LRBA: variants seen among roughly 807,000 people sequenced by gnomAD.
The protein encoded by LRBA is LPS responsive beige-like anchor protein, also known as lipopolysaccharide-responsive and beige-like anchor protein.
In LRBA, 176 loss-of-function variants were observed where a neutral mutation model predicts 330.0. That is an observed-to-expected ratio of 0.53 (90% CI 0.47 to 0.60). The LOEUF is 0.60. LRBA is among the 20% of genes least tolerant of loss of function. The pLI is 0.00. For missense variants in LRBA, 3,259 were observed against 3,444.8 expected (o/e 0.95, Z 1.35); for synonymous variants, 1,230 against 1,193.0 (o/e 1.03, Z -0.64).
rs1472369230 is a variant in LRBA, at chr4:150,535,529, A to C, written c.6331-44494T>G. Reference sequence around the variant, plus strand: ...ATTTACACAAATACATAATATCACCATTTAAATAAATGCAAATTACAATTC... The same window carrying C: ...ATTTACACAAATACATAATATCACCCTTTAAATAAATGCAAATTACAATTC... On this transcript the variant is annotated intron_variant, in intron 40 of 56. Coordinates refer to ENST00000651943, the MANE Select transcript of LRBA (RefSeq NM_001364905.1). Among the ~76,000 whole-genome samples, 3 of 152,296 alleles carry C rather than the reference A, an allele frequency of 2.0e-5. No individual in the cohort carries two copies. In the East Asian group the frequency reaches 5.8e-4, roughly 29 times the overall value.
Position 150,282,550 on chromosome 4 carries a change from C to A in LRBA, c.8216G>T (p.Arg2739Ile). ...CLKPKLIQAS[R>I]EGHCVIFYEN... is the part of the protein sequence containing the mutation. ...ATAGAATATGACACAATGACCCTCT[C>A]TTGAAGCCTGAATGAGTTTTGGTTT... is the stretch of plus-strand genomic sequence containing the variant. The change falls in exon 55 of 57, where the codon AGA becomes ATA. Residue 2739 changes from arginine (R) to isoleucine (I), a missense_variant. Arg to Ile is a moderately conservative substitution (Grantham distance 97). Coordinates refer to ENST00000651943, the MANE Select transcript of LRBA (RefSeq NM_001364905.1). 1 of 1,614,152 alleles carries A rather than the reference C, an allele frequency of 6.2e-7. No homozygotes were observed. Among genetic ancestry groups the A allele is most frequent in the Non-Finnish European group, 8.5e-7 (1 of 1,180,002 alleles).
chr4:150,465,305 G>A (rs866749187), intron 44 of LRBA, among the ~76,000 whole-genome samples: 10 of 151,922 alleles, frequency 6.6e-5, no homozygotes, highest in East Asian at 5.8e-4. Flanking sequence ...TTTATCTGTC[G>A]ATGGACATTT....
At chr4:150,801,111 TA>T (rs1471935805) in intron 33 of LRBA, among the ~76,000 whole-genome samples, 2 of 152,182 alleles carry the variant, frequency 1.3e-5, no homozygotes, top group Non-Finnish European at 2.9e-5. Flanking sequence ...TAAGTCACCT[TA>T]AATAATTTAT....
intron 13 of LRBA, among the ~76,000 whole-genome samples, chr4:150,901,884 G>A (rs1017262275): frequency 2.0e-5 from 3 of 152,130 alleles, no homozygotes; most frequent in South Asian, 2.1e-4. Flanking sequence ...GAGACAATAC[G>A]ACATGCCTCA....
intron 23 of LRBA, among the ~76,000 whole-genome samples, chr4:150,851,556 T>C (rs1750620830): frequency 6.6e-6 from 1 of 152,244 alleles, no homozygotes; most frequent in Admixed American, 6.5e-5. Context: ...GGAAAACTAA[T>C]GTACTAGGAT....
chr4:150,756,458 C>A (rs960578321), intron 35 of LRBA, among the ~76,000 whole-genome samples: 3 of 152,084 alleles, frequency 2.0e-5, no homozygotes, highest in African/African-American at 7.2e-5. Flanking sequence ...AAAATAAGAA[C>A]TTGAAGCCCT....
intron 17 of LRBA, among the ~76,000 whole-genome samples, chr4:150,887,136 AGAG>A (rs1194769234): frequency 1.3e-5 from 2 of 152,340 alleles, no homozygotes; most frequent in East Asian, 3.9e-4. Context: ...TAAAGAAAAT[AGAG>A]TTCTCATCCA....
chr4:150,470,125 G>C (rs1441051539), intron 43 of LRBA, among the ~76,000 whole-genome samples: 1 of 152,216 alleles, frequency 6.6e-6, no homozygotes, highest in Non-Finnish European at 1.5e-5. Flanking sequence ...GGAGGTTGCA[G>C]TGAGCCGAGA....
intron 44 of LRBA, among the ~76,000 whole-genome samples, chr4:150,450,615 C>T (rs1753228528): frequency 6.6e-6 from 1 of 152,182 alleles, no homozygotes; most frequent in Non-Finnish European, 1.5e-5. Context: ...TTCAAAAACC[C>T]TATTTATGAA....
intron 30 of LRBA, among the ~76,000 whole-genome samples, chr4:150,818,606 T>A (rs1205535491): frequency 1.3e-5 from 2 of 150,944 alleles, no homozygotes; most frequent in African/African-American, 4.8e-5. Flanking sequence ...TAGTGGTACC[T>A]TCAAAAACAA....
intron 40 of LRBA, among the ~76,000 whole-genome samples, chr4:150,537,551 T>C (rs1438563046): frequency 6.6e-6 from 1 of 152,074 alleles, no homozygotes; most frequent in African/African-American, 2.4e-5. Context: ...AGACAACCCA[T>C]GGAATGGGAG....
At chr4:150,696,690 G>A (rs1449219921) in intron 36 of LRBA, among the ~76,000 whole-genome samples, 1 of 152,034 alleles carries the variant, frequency 6.6e-6, no homozygotes, top group African/African-American at 2.4e-5. Flanking sequence ...TTTGGAAAGA[G>A]AGAAAAAGAA....
chr4:150,373,172 T>TGAGAGAGAGAGA (rs902421554), intron 47 of LRBA, among the ~76,000 whole-genome samples: 11 of 97,506 alleles, frequency 1.1e-4, no homozygotes, highest in African/African-American at 4.4e-4. Flanking sequence ...TGTGTGTGTG[T>TGAGAGAGAGAGA]GAGAGAGAGA....
intron 23 of LRBA, 35 bp from the exon 24 acceptor site, chr4:150,850,937 T>A: frequency 6.7e-7 from 1 of 1,498,268 alleles, no homozygotes; most frequent in Non-Finnish European, 9.2e-7. Flanking sequence ...TAAAATAGGT[T>A]CAACTTCAGC....
intron 44 of LRBA, among the ~76,000 whole-genome samples, chr4:150,450,071 G>C (rs1023524858): frequency 6.6e-6 from 1 of 152,004 alleles, no homozygotes; most frequent in African/African-American, 2.4e-5. Context: ...TAAAGCCATA[G>C]ACAGGCTTCT....
At chr4:150,993,593 G>T (rs1561104704) in intron 2 of LRBA, among the ~76,000 whole-genome samples, 2 of 152,144 alleles carry the variant, frequency 1.3e-5, no homozygotes, top group African/African-American at 4.8e-5. Flanking sequence ...GGAAGAAAAA[G>T]AAGTTTAATT....
chr4:150,730,678 G>GAA (rs112842947), intron 36 of LRBA, among the ~76,000 whole-genome samples: 2 of 89,892 alleles, frequency 2.2e-5, no homozygotes, highest in African/African-American at 3.9e-5. Context: ...GTGAGGCTCT[G>GAA]AAAAAAAAAA....
chr4:150,499,805 ACT>A (rs1265267417), intron 40 of LRBA, among the ~76,000 whole-genome samples: 4 of 151,830 alleles, frequency 2.6e-5, no homozygotes, highest in Non-Finnish European at 5.9e-5. Context: ...ATGGGCAGAA[ACT>A]CTCTTTCTTC....
intron 47 of LRBA, among the ~76,000 whole-genome samples, chr4:150,364,276 G>A (rs1312719592): frequency 6.6e-6 from 1 of 152,194 alleles, no homozygotes; most frequent in African/African-American, 2.4e-5. Flanking sequence ...TTAACATTTA[G>A]TGAGTATTTA....
Sources: gnomAD v4.1 joint callset for allele counts (sites outside exome capture counted in the v4.1 genomes callset) on GRCh38, gnomAD v4.1.1 for gene constraint, MANE v1.5 for transcripts, NCBI Gene and HGNC (gene_info 2026-07-23, HGNC 2026-07-21) for gene names.